The following COL24A1 variants were observed in gnomAD, a reference collection of about 807,000 sequenced individuals.
The protein encoded by COL24A1 is collagen alpha-1(XXIV) chain.
A neutral mutation model predicts 253.9 loss-of-function variants in COL24A1; 224 were observed. The observed-to-expected ratio is 0.88, with a 90% CI of 0.79 to 0.99. The LOEUF is 0.99. COL24A1 is among the 50% of genes least tolerant of loss of function. The pLI is 0.00. For synonymous variants in COL24A1, 685 were observed against 673.7 expected, an observed-to-expected ratio of 1.02 and a Z score of -0.26; for missense variants, 2,131 against 2,068.5, an observed-to-expected ratio of 1.03 and a Z score of -0.59.
intron 19 of COL24A1, among the ~76,000 whole-genome samples, chr1:85,989,088 C>G (rs752674863): frequency 3.3e-5 from 5 of 152,078 alleles, no homozygotes; most frequent in Non-Finnish European, 7.4e-5. Context: ...TACACCCTTT[C>G]TCTAGAACAC....
chr1:86,152,334 A>T (rs951427724), intron 1 of COL24A1, among the ~76,000 whole-genome samples: 1 of 152,200 alleles, frequency 6.6e-6, no homozygotes, highest in Admixed American at 6.5e-5. Context: ...TACTGGAATC[A>T]TTTTACACCT....
At chr1:86,035,413 AT>A (rs552508499) in intron 12 of COL24A1, among the ~76,000 whole-genome samples, 3 of 152,016 alleles carry the variant, frequency 2.0e-5, no homozygotes, top group Non-Finnish European at 2.9e-5. Flanking sequence ...GAGATGATTG[AT>A]TTTTTTTAGA....
At position 86,156,447 on chromosome 1, in the gene COL24A1, C is replaced by G. The variant is rs1285705997; in HGVS notation, c.-51G>C. The G allele has an allele frequency of 6.4e-7, 1 of 1,565,866 alleles. No individual in the cohort carries two copies. Among genetic ancestry groups the G allele is most frequent in the East Asian group, 2.3e-5 (1 of 43,822 alleles). On this transcript the variant is annotated 5_prime_UTR_variant, in exon 1 of 60. Coordinates refer to ENST00000370571, the MANE Select transcript of COL24A1 (RefSeq NM_152890.7). Reference sequence around the variant, plus strand: ...AGCGCTAACGGAAAACAGAAGCCAACTCTGAACTGCTTAGGGTGCAGGTAC... The same window carrying G: ...AGCGCTAACGGAAAACAGAAGCCAAGTCTGAACTGCTTAGGGTGCAGGTAC...
intron 52 of COL24A1, among the ~76,000 whole-genome samples, chr1:85,779,128 C>T (rs897716880): frequency 2.6e-5 from 4 of 151,934 alleles, no homozygotes; most frequent in African/African-American, 4.8e-5. Flanking sequence ...ATCTTAGCCT[C>T]CCAAGTAGCT....
chr1:85,965,552 TTGA>T (rs779159652), intron 22 of COL24A1, among the ~76,000 whole-genome samples: 29 of 151,784 alleles, frequency 1.9e-4, no homozygotes, highest in Admixed American at 6.6e-5. Flanking sequence ...TGACTTGTCT[TTGA>T]TGACAATGAG....
chr1:86,112,475 G>T, intron 5 of COL24A1, 92 bp downstream of exon 5: 1 of 1,113,582 alleles, frequency 9.0e-7, no homozygotes, highest in Non-Finnish European at 1.3e-6. Flanking sequence ...GATGTATCAA[G>T]ACTTGCCTTA....
chr1:86,149,812 G>A (rs1652488728), intron 1 of COL24A1, among the ~76,000 whole-genome samples: 1 of 152,188 alleles, frequency 6.6e-6, no homozygotes, highest in East Asian at 1.9e-4. Flanking sequence ...TGATCCTAGG[G>A]GATTATGACA....
intron 7 of COL24A1, among the ~76,000 whole-genome samples, chr1:86,069,941 C>A (rs1436560348): frequency 6.6e-6 from 1 of 152,190 alleles, no homozygotes; most frequent in Non-Finnish European, 1.5e-5. Context: ...CTACAAGTAA[C>A]AACACCACCA....
At chr1:86,124,738 T>A (rs919384176) in intron 3 of COL24A1, 107 bp downstream of exon 3, 9 of 753,536 alleles carry the variant, frequency 1.2e-5, no homozygotes, top group Admixed American at 7.4e-5. Flanking sequence ...ACAGACTTTA[T>A]CTGTTATGTA....
chr1:86,066,467 A>T (rs1373967328), intron 7 of COL24A1, among the ~76,000 whole-genome samples: 1 of 151,406 alleles, frequency 6.6e-6, no homozygotes, highest in Non-Finnish European at 1.5e-5. Context: ...GACGGTCTCG[A>T]TCTCCTGACC....
chr1:85,964,939 G>C (rs1448576175), intron 23 of COL24A1, 70 bp downstream of exon 23: 1 of 1,354,798 alleles, frequency 7.4e-7, no homozygotes, highest in African/African-American at 1.5e-5. Flanking sequence ...TTTCACATTT[G>C]TATGAAAGTC....
chr1:85,918,128 T>C (rs948630069), intron 24 of COL24A1, among the ~76,000 whole-genome samples: 2 of 133,728 alleles, frequency 1.5e-5, no homozygotes, highest in East Asian at 5.2e-4. Context: ...GTGTGGTTTT[T>C]GTTTTTTTTT....
chr1:86,126,356 G>A, intron 2 of COL24A1, 142 bp from the exon 3 acceptor site: 1 of 709,766 alleles, frequency 1.4e-6, no homozygotes. Context: ...AACTAATTAT[G>A]GGTAATAAGA....
chr1:85,862,782 T>C (rs1369837990), intron 37 of COL24A1, among the ~76,000 whole-genome samples: 1 of 152,210 alleles, frequency 6.6e-6, no homozygotes, highest in Non-Finnish European at 1.5e-5. Flanking sequence ...TGCCACTTAA[T>C]GCTGACCCTA....
At chr1:86,129,408 T>A (rs1648815594) in intron 2 of COL24A1, among the ~76,000 whole-genome samples, 1 of 151,760 alleles carries the variant, frequency 6.6e-6, no homozygotes, top group Admixed American at 6.6e-5. Flanking sequence ...ATTTTCTCTA[T>A]CATTAATTTT....
chr1:85,816,970 T>C, intron 46 of COL24A1, 75 bp from the exon 47 acceptor site: 1 of 1,109,746 alleles, frequency 9.0e-7, no homozygotes, highest in African/African-American at 1.6e-5. Flanking sequence ...TTTTATTTAT[T>C]GAGCTGGAGA....
intron 2 of COL24A1, among the ~76,000 whole-genome samples, chr1:86,131,617 T>G (rs536068519): frequency 6.6e-6 from 1 of 151,074 alleles, no homozygotes; most frequent in African/African-American, 2.4e-5. Context: ...CAGTGTTTGG[T>G]TTTTTGTCCT....
intron 11 of COL24A1, among the ~76,000 whole-genome samples, chr1:86,047,184 C>A (rs531490587): frequency 1.3e-5 from 2 of 152,166 alleles, no homozygotes; most frequent in East Asian, 1.9e-4. Context: ...ACTAGATGAA[C>A]ACGAAGGTCT....
rs531776266 is a variant in COL24A1 at position 85,925,668 on chromosome 1, T to C, written c.2563-14235A>G. On this transcript the variant is annotated intron_variant, in intron 24 of 59. Transcript: ENST00000370571. ...CCTTCCTTACACCTTATACAAAAAT[T>C]AATTCAAGATGGATTAAAGACCTAA... 1.1e-4 allele frequency among the ~76,000 whole-genome samples: 16 copies of C among 152,172 alleles called. No individual in the cohort carries two copies. The South Asian group carries it at 2.3e-3, about 22-fold the overall frequency.
Sources: gnomAD v4.1 joint callset for allele counts (sites outside exome capture counted in the v4.1 genomes callset) on GRCh38, gnomAD v4.1.1 for gene constraint, MANE v1.5 for transcripts, NCBI Gene and HGNC (gene_info 2026-07-23, HGNC 2026-07-21) for gene names.